ZSWIM6: variants seen among roughly 807,000 people sequenced by gnomAD.
ZSWIM6 encodes zinc finger SWIM-type containing 6.
Under a neutral mutation model 113.2 loss-of-function variants are expected in ZSWIM6, and 9 were observed. That is an observed-to-expected ratio of 0.08 (90% CI 0.05 to 0.14). The LOEUF is 0.14. Among genes scored for constraint, ZSWIM6 ranks in the 10% least tolerant of loss-of-function variants. ZSWIM6 has a pLI of 1.00. For missense variants in ZSWIM6, 1,162 were observed against 1,552.2 expected (o/e 0.75, Z 4.22); for synonymous variants, 611 against 606.5 (o/e 1.01, Z -0.11).
At chr5:61,386,467 T>A (rs1477569813) in intron 1 of ZSWIM6, among the ~76,000 whole-genome samples, 1 of 152,244 alleles carries the variant, frequency 6.6e-6, no homozygotes, top group African/African-American at 2.4e-5. Flanking sequence ...ACATTTTTTT[T>A]ATAACCACTT....
chr5:61,365,255 G>A (rs555240181), intron 1 of ZSWIM6, among the ~76,000 whole-genome samples: 1 of 152,198 alleles, frequency 6.6e-6, no homozygotes, highest in African/African-American at 2.4e-5. Flanking sequence ...GGGAGGCTGA[G>A]GCAGGAGAAT....
intron 5 of ZSWIM6, among the ~76,000 whole-genome samples, chr5:61,523,448 C>T (rs927263402): frequency 2.6e-5 from 4 of 152,070 alleles, no homozygotes; most frequent in Non-Finnish European, 5.9e-5. Flanking sequence ...AAAAGTATAG[C>T]CAATTTTATA....
At chr5:61,409,030 C>G (rs574871717) in intron 1 of ZSWIM6, among the ~76,000 whole-genome samples, 2 of 131,106 alleles carry the variant, frequency 1.5e-5, no homozygotes, top group Non-Finnish European at 3.2e-5. Context: ...TTGATGACTT[C>G]TAAATTATGA....
Position 61,544,879 on chromosome 5 carries a change from T to C in ZSWIM6, c.*562T>C, listed in dbSNP as rs931841271. 6.6e-6 allele frequency: 1 copy of C among 152,170 alleles called. No homozygotes were observed. The highest frequency in any genetic ancestry group is 1.5e-5 in the Non-Finnish European group (1 of 68,056). The allele number at this position is 152,170 out of a possible 1,614,324, so 9.4% of individuals were successfully genotyped here. ...AAGCATGGCACACGATGCTTGTGCA[T>C]GTGGAAACTTAGCGACTGTCAACAT... is the stretch of plus-strand genomic sequence containing the variant. On this transcript the variant is annotated 3_prime_UTR_variant, in exon 14 of 14. Coordinates refer to ENST00000252744, the MANE Select transcript of ZSWIM6 (RefSeq NM_020928.2).
At chr5:61,363,161 T>C (rs1341645217) in intron 1 of ZSWIM6, among the ~76,000 whole-genome samples, 1 of 152,210 alleles carries the variant, frequency 6.6e-6, no homozygotes, top group Non-Finnish European at 1.5e-5. Context: ...CAGGGGGCAC[T>C]GCCTGCAAGG....
At chr5:61,419,361 G>A (rs1394955729) in intron 1 of ZSWIM6, among the ~76,000 whole-genome samples, 1 of 152,164 alleles carries the variant, frequency 6.6e-6, no homozygotes, top group African/African-American at 2.4e-5. Context: ...ATCCATTACA[G>A]TTCTCATGAA....
At chr5:61,463,207 T>C (rs1747353750) in intron 1 of ZSWIM6, among the ~76,000 whole-genome samples, 1 of 152,360 alleles carries the variant, frequency 6.6e-6, no homozygotes, top group South Asian at 2.1e-4. Context: ...ATAACTATGA[T>C]AGTAACAGCT....
chr5:61,531,730 C>A lies in ZSWIM6; in HGVS notation c.2245+5C>A, dbSNP rs1400866931. 2.6e-6 allele frequency: 4 copies of A among 1,550,760 alleles called. No homozygotes were observed. The South Asian group carries it at 4.8e-5, about 18-fold the overall frequency. On this transcript the variant is annotated splice_donor_5th_base_variant and intron_variant, in intron 9 of 13. Transcript: ENST00000252744. ...AAGCAGTCTTCCTATTAGAAGGTAG[C>A]CTGATACAGAAGTTTTCCACTTATT...
At chr5:61,463,562 C>T (rs1747361457) in intron 1 of ZSWIM6, among the ~76,000 whole-genome samples, 1 of 152,176 alleles carries the variant, frequency 6.6e-6, no homozygotes, top group Non-Finnish European at 1.5e-5. Flanking sequence ...AACCACCGAT[C>T]TATATGTTCC....
At chr5:61,437,444 C>T (rs772575303) in intron 1 of ZSWIM6, among the ~76,000 whole-genome samples, 7 of 151,996 alleles carry the variant, frequency 4.6e-5, no homozygotes, top group Non-Finnish European at 8.8e-5. Flanking sequence ...AAATCCAGGC[C>T]GGGTGCGGTG....
rs200777299 is a variant in ZSWIM6, at chr5:61,543,226, T to TC, written c.2786-228dup. ...AATACCAGCTACCAAGAGGATTGGT[T>TC]CTTTATTATAGCAAGTTCATGTTCC... is the stretch of plus-strand genomic sequence containing the variant. On this transcript the variant is annotated intron_variant, in intron 13 of 13. Transcript: ENST00000252744. The surrounding 1 kb of genome is among the most constrained non-coding windows in gnomAD (Gnocchi z 4.3). 1.3e-3 allele frequency among the ~76,000 whole-genome samples: 170 copies of TC among 135,106 alleles called. No individual in the cohort carries two copies. Among genetic ancestry groups the TC allele is most frequent in the Non-Finnish European group, 2.1e-3 (122 of 58,782 alleles). 88.6% of individuals were successfully genotyped at this position (135,106 alleles called of 152,430 possible).
intron 1 of ZSWIM6, among the ~76,000 whole-genome samples, chr5:61,462,594 G>A (rs997262228): frequency 2.0e-5 from 3 of 152,172 alleles, no homozygotes; most frequent in African/African-American, 7.2e-5. Flanking sequence ...CATGCTCCTG[G>A]GAGCTTGGCA....
chr5:61,456,942 A>T (rs1014557468), intron 1 of ZSWIM6, among the ~76,000 whole-genome samples: 1 of 148,662 alleles, frequency 6.7e-6, no homozygotes, highest in Admixed American at 6.7e-5. Flanking sequence ...TTTAGGGTAC[A>T]TGTGCACATT....
intron 1 of ZSWIM6, among the ~76,000 whole-genome samples, chr5:61,416,106 T>A (rs542231179): frequency 1.3e-5 from 2 of 152,348 alleles, no homozygotes; most frequent in African/African-American, 4.8e-5. Context: ...TATGGAAGTG[T>A]TCTCTTTGCA....
At chr5:61,357,577 A>G (rs1301647511) in intron 1 of ZSWIM6, among the ~76,000 whole-genome samples, 1 of 151,590 alleles carries the variant, frequency 6.6e-6, no homozygotes, top group Non-Finnish European at 1.5e-5. Flanking sequence ...CAGCTGATCT[A>G]GTAGCCTGAG....
chr5:61,439,530 T>C (rs1746780672), intron 1 of ZSWIM6, among the ~76,000 whole-genome samples: 1 of 152,260 alleles, frequency 6.6e-6, no homozygotes, highest in African/African-American at 2.4e-5. Context: ...TATGGGATTA[T>C]ACTTTGTGTA....
intron 1 of ZSWIM6, among the ~76,000 whole-genome samples, chr5:61,367,721 A>G (rs946974274): frequency 1.3e-5 from 2 of 152,150 alleles, no homozygotes; most frequent in South Asian, 2.1e-4. Context: ...CAGAGGCCAT[A>G]TAGTATAGTG....
At chr5:61,541,861 A>G (rs370642458) in intron 12 of ZSWIM6, 23 bp from the exon 13 acceptor site, 88 of 1,541,514 alleles carry the variant, frequency 5.7e-5, no homozygotes, top group Non-Finnish European at 7.5e-5. Flanking sequence ...TTTCTAAAAC[A>G]TTTTGTTACC....
At chr5:61,523,002 A>T (rs1469533193) in intron 5 of ZSWIM6, among the ~76,000 whole-genome samples, 3 of 152,160 alleles carry the variant, frequency 2.0e-5, no homozygotes, top group Non-Finnish European at 2.9e-5. Context: ...TAAAGAGTTC[A>T]TTTCGCTTAT....
Sources: allele counts gnomAD v4.1 joint callset (sites outside exome capture counted in the v4.1 genomes callset), GRCh38; gene constraint gnomAD v4.1.1; non-coding constraint Gnocchi (gnomAD v3.1); transcripts MANE v1.5; gene names NCBI Gene and HGNC (gene_info 2026-07-23, HGNC 2026-07-21).